Variants in ARHGAP24 observed in about 807,000 individuals in gnomAD.
The protein encoded by ARHGAP24 is rho GTPase-activating protein 24.
A neutral mutation model predicts 76.4 loss-of-function variants in ARHGAP24; 50 were observed. The observed-to-expected ratio is 0.65, with a 90% confidence interval of 0.52 to 0.83. ARHGAP24 has a LOEUF of 0.83. ARHGAP24 is among the 40% of genes least tolerant of loss of function. ARHGAP24 has a pLI of 0.00. For synonymous variants in ARHGAP24, 345 were observed against 323.3 expected, an observed-to-expected ratio of 1.07 and a Z score of -0.72; for missense variants, 930 against 914.2, an observed-to-expected ratio of 1.02 and a Z score of -0.22.
intron 3 of ARHGAP24, among the ~76,000 whole-genome samples, chr4:85,895,001 CAAAAAAAAAAA>C (rs1222078793): frequency 0.51 from 27,420 of 53,870 alleles, 5,319 homozygotes; most frequent in Non-Finnish European, 0.54. Flanking sequence ...AAACAAAAAG[CAAAAAAAAAAA>C]AAAAAAAAAG....
intron 3 of ARHGAP24, among the ~76,000 whole-genome samples, chr4:85,830,268 G>A (rs1417180663): frequency 1.3e-5 from 2 of 152,130 alleles, no homozygotes; most frequent in Non-Finnish European, 2.9e-5. Flanking sequence ...TGGGACCAGG[G>A]AAAATCCTAC....
chr4:85,908,351 T>A (rs1734885386), intron 3 of ARHGAP24, among the ~76,000 whole-genome samples: 1 of 152,194 alleles, frequency 6.6e-6, no homozygotes. Context: ...AAGGTCCTGG[T>A]GGATAGAAAA....
intron 1 of ARHGAP24, among the ~76,000 whole-genome samples, chr4:85,544,692 A>G (rs2110125108): frequency 6.6e-6 from 1 of 152,146 alleles, no homozygotes; most frequent in East Asian, 1.9e-4. Context: ...ATATATATAC[A>G]CACATACATA....
chr4:85,948,702 A>T (rs966742208), intron 5 of ARHGAP24, among the ~76,000 whole-genome samples: 2 of 152,180 alleles, frequency 1.3e-5, no homozygotes, highest in South Asian at 2.1e-4. Context: ...AAGAAATCAT[A>T]AAAAAAGGTT....
chr4:85,938,861 A>G lies in ARHGAP24; in HGVS notation c.392-3205A>G, dbSNP rs186369209. On this transcript the variant is annotated intron_variant, in intron 4 of 9. Coordinates refer to ENST00000395184, the MANE Select transcript of ARHGAP24 (RefSeq NM_001025616.3). Reference sequence around the variant, plus strand: ...TTTTTCTGACCTCCCCCAATTCCCAATTTATATTTTCTCAGCACAAATTAT... The same window carrying G: ...TTTTTCTGACCTCCCCCAATTCCCAGTTTATATTTTCTCAGCACAAATTAT... 2.6e-3 allele frequency among the ~76,000 whole-genome samples: 387 copies of G among 151,758 alleles called. 1 individual carries two copies. Among genetic ancestry groups the G allele is most frequent in the Middle Eastern group, 0.02 (6 of 294 alleles).
chr4:85,697,184 G>A (rs910654097), intron 2 of ARHGAP24, among the ~76,000 whole-genome samples: 2 of 152,136 alleles, frequency 1.3e-5, no homozygotes, highest in Non-Finnish European at 2.9e-5. Context: ...ATTATTTATA[G>A]AGAGAATTAC....
chr4:85,688,439 A>G (rs1261021113), intron 2 of ARHGAP24, among the ~76,000 whole-genome samples: 3 of 151,502 alleles, frequency 2.0e-5, no homozygotes, highest in Non-Finnish European at 4.4e-5. Context: ...TCTGCTTGTT[A>G]TTTTGTTTAA....
chr4:85,729,834 TTAAAAATG>T (rs1287808085), intron 3 of ARHGAP24, among the ~76,000 whole-genome samples: 2 of 152,178 alleles, frequency 1.3e-5, no homozygotes, highest in African/African-American at 4.8e-5. Context: ...TTCCAACCAC[TTAAAAATG>T]TAAAAAATAA....
At chr4:85,579,037 T>C (rs556811468) in intron 2 of ARHGAP24, among the ~76,000 whole-genome samples, 36 of 152,334 alleles carry the variant, frequency 2.4e-4, no homozygotes, top group African/African-American at 8.4e-4. Context: ...TCTCTTTGTT[T>C]ACATTACTTT....
intron 3 of ARHGAP24, among the ~76,000 whole-genome samples, chr4:85,747,260 T>C (rs911632360): frequency 2.0e-5 from 3 of 152,222 alleles, no homozygotes; most frequent in African/African-American, 4.8e-5. Context: ...AAAATATCTT[T>C]AGAGTAGAAA....
intron 3 of ARHGAP24, among the ~76,000 whole-genome samples, chr4:85,911,497 A>G (rs958887): frequency 0.33 from 50,774 of 152,186 alleles, 8,980 homozygotes; most frequent in East Asian, 0.74. Flanking sequence ...ATTTAAATCA[A>G]TTTTCTCAAT....
intron 3 of ARHGAP24, among the ~76,000 whole-genome samples, chr4:85,852,571 C>G (rs1367021128): frequency 6.6e-6 from 1 of 152,220 alleles, no homozygotes; most frequent in Admixed American, 6.5e-5. Flanking sequence ...TCTGGTTTCT[C>G]CCCATCTTTG....
intron 5 of ARHGAP24, among the ~76,000 whole-genome samples, chr4:85,944,930 C>T (rs1737164987): frequency 6.6e-6 from 1 of 152,154 alleles, no homozygotes; most frequent in African/African-American, 2.4e-5. Context: ...TCACCACAAC[C>T]TCCACCTCCT....
chr4:85,762,515 T>C (rs1726769824), intron 3 of ARHGAP24, among the ~76,000 whole-genome samples: 1 of 152,176 alleles, frequency 6.6e-6, no homozygotes, highest in African/African-American at 2.4e-5. Context: ...CTGCGTTGTT[T>C]TAAAGGTGAC....
At chr4:85,980,414 A>T (rs1179080359) in intron 8 of ARHGAP24, among the ~76,000 whole-genome samples, 1 of 152,190 alleles carries the variant, frequency 6.6e-6, no homozygotes, top group Non-Finnish European at 1.5e-5. Flanking sequence ...TTGCAAAGAC[A>T]CTGAGGATAA....
At chr4:85,873,408 TTA>T (rs1732651549) in intron 3 of ARHGAP24, among the ~76,000 whole-genome samples, 1 of 152,204 alleles carries the variant, frequency 6.6e-6, no homozygotes, top group Non-Finnish European at 1.5e-5. Flanking sequence ...GCATGCATCT[TTA>T]GTCATAAATC....
intron 1 of ARHGAP24, among the ~76,000 whole-genome samples, chr4:85,537,712 G>C (rs1460213290): frequency 6.6e-6 from 1 of 152,100 alleles, no homozygotes; most frequent in Admixed American, 6.6e-5. Context: ...AATGCTATCT[G>C]GCCATTAGTG....
At chr4:85,771,565 T>C (rs936592686) in intron 3 of ARHGAP24, among the ~76,000 whole-genome samples, 3 of 152,242 alleles carry the variant, frequency 2.0e-5, no homozygotes, top group African/African-American at 7.2e-5. Flanking sequence ...AAATAATGTT[T>C]TACCAGCTAT....
intron 3 of ARHGAP24, among the ~76,000 whole-genome samples, chr4:85,821,108 C>T (rs1282476751): frequency 6.6e-6 from 1 of 151,932 alleles, no homozygotes; most frequent in Non-Finnish European, 1.5e-5. Flanking sequence ...ATGACTACAA[C>T]CACATAAAGC....
Sources: allele counts gnomAD v4.1 joint callset (sites outside exome capture counted in the v4.1 genomes callset), GRCh38; gene constraint gnomAD v4.1.1; transcripts MANE v1.5; gene names NCBI Gene and HGNC (gene_info 2026-07-23, HGNC 2026-07-21).